Variants in ZNF568 observed in about 807,000 individuals in gnomAD.
ZNF568 encodes the protein zinc finger protein 568.
A neutral mutation model predicts 18.1 loss-of-function variants in ZNF568; 11 were observed. The observed-to-expected ratio is 0.61, with a 90% CI of 0.38 to 1.00. ZNF568 has a LOEUF of 1.00. ZNF568 is among the 50% of genes least tolerant of loss of function. ZNF568 has a pLI of 0.01. For missense variants in ZNF568, 639 were observed against 768.2 expected, an observed-to-expected ratio of 0.83 and a Z score of 1.99; for synonymous variants, 213 against 246.6, an observed-to-expected ratio of 0.86 and a Z score of 1.28.
downstream of ZNF568, among the ~76,000 whole-genome samples, chr19:36,954,079 C>T (rs898086951): frequency 4.0e-5 from 6 of 151,640 alleles, no homozygotes; most frequent in African/African-American, 1.5e-4. Flanking sequence ...CAAAAATTAG[C>T]TGGGCGTGGT....
At chr19:36,977,255 C>G (rs1020609314) in intron 7 of ZNF568, among the ~76,000 whole-genome samples, 2 of 152,098 alleles carry the variant, frequency 1.3e-5, no homozygotes, top group African/African-American at 2.4e-5. Flanking sequence ...TCCAAACAAT[C>G]TAGTCTTTAA....
chr19:36,962,351 T>TC (rs944689752), intron 6 of ZNF568, among the ~76,000 whole-genome samples: 1 of 146,916 alleles, frequency 6.8e-6, no homozygotes, highest in African/African-American at 2.5e-5. Flanking sequence ...TTTTTTTTTT[T>TC]CGTTTCTGAG....
intron 2 of ZNF568, among the ~76,000 whole-genome samples, chr19:36,919,091 C>T (rs191474667): frequency 7.9e-5 from 12 of 152,290 alleles, no homozygotes; most frequent in African/African-American, 2.6e-4. Context: ...CTGCTACAAA[C>T]ATGGGTATAC....
At chr19:36,973,397 C>T (rs2074253172) in intron 6 of ZNF568, 1 of 152,940 alleles carries the variant, frequency 6.5e-6, no homozygotes, top group Non-Finnish European at 1.5e-5. Context: ...GCCCACGCTT[C>T]ACCGCTAGGG....
At chr19:36,931,739 T>G (rs534053860) in intron 4 of ZNF568, 1 of 152,318 alleles carries the variant, frequency 6.6e-6, no homozygotes, top group South Asian at 2.1e-4. Context: ...TATTAACATA[T>G]AAGTCACATA....
At chr19:36,917,197 G>C (rs1465074295) in intron 1 of ZNF568, among the ~76,000 whole-genome samples, 1 of 152,182 alleles carries the variant, frequency 6.6e-6, no homozygotes, top group Non-Finnish European at 1.5e-5. Context: ...TGCGTGACGA[G>C]TTAAGATCTG....
At chr19:36,938,549 G>T (rs1218504661) in intron 6 of ZNF568, among the ~76,000 whole-genome samples, 1 of 152,152 alleles carries the variant, frequency 6.6e-6, no homozygotes, top group Non-Finnish European at 1.5e-5. Flanking sequence ...CTGTCTTTAT[G>T]AGCTTATAAT....
At chr19:36,996,412 G>A (rs2074472170) in exon 5 of ZNF568, 1 of 1,536,222 alleles carries the variant, frequency 6.5e-7, no homozygotes, top group South Asian at 1.2e-5. Flanking sequence ...AGTTATCAGA[G>A]AAATCAGATG....
Position 36,950,699 on chromosome 19 carries a change from A to G in ZNF568, c.1546A>G (p.Asn516Asp), listed in dbSNP as rs201325051. Reference sequence around the variant, plus strand: ...TGGAAAAGCCTTTAGTCAGAAATCAAACCTCACTGAACATGAGAAAATTCA... The same window carrying G: ...TGGAAAAGCCTTTAGTCAGAAATCAGACCTCACTGAACATGAGAAAATTCA... ...VCGKAFSQKS[N>D]LTEHEKIHTG... Residue 516 changes from asparagine to aspartate, a missense_variant, in exon 7 of 7, where the codon AAC becomes GAC. Coordinates refer to ENST00000333987, the MANE Select transcript of ZNF568 (RefSeq NM_198539.4). 2 of 1,613,834 alleles carry G rather than the reference A, an allele frequency of 1.2e-6. No individual in the cohort carries two copies. The highest frequency in any genetic ancestry group is 2.7e-5 in the African/African-American group (2 of 75,020).
At chr19:36,986,625 T>C (rs1204803093) in intron 2 of ZNF568, among the ~76,000 whole-genome samples, 2 of 152,134 alleles carry the variant, frequency 1.3e-5, no homozygotes, top group South Asian at 2.1e-4. Context: ...GATTTTCTTT[T>C]TTTCCCCCCT....
chr19:36,917,569 T>C lies in ZNF568; in HGVS notation c.-255-10T>C, dbSNP rs2073366002. 1 of 152,360 alleles carries C rather than the reference T, an allele frequency of 6.6e-6. No individual in the cohort carries two copies. Among genetic ancestry groups the C allele is most frequent in the Non-Finnish European group, 1.5e-5 (1 of 68,036 alleles). The allele number at this position is 152,360 out of a possible 1,614,324, so 9.4% of individuals were successfully genotyped here. A position where few individuals can be genotyped will look rare whatever the true frequency, so the allele number is the denominator to read the frequency against. On this transcript the variant is annotated splice_polypyrimidine_tract_variant and intron_variant, in intron 1 of 6. Transcript: ENST00000333987. ...TCATTTTCTAACCCCCTTGTGTCTT[T>C]ATGTTTCAGATCTGTGTCTTGTAAA...
rs1246171026 is a variant in ZNF568 at position 36,922,899 on chromosome 19, G to A, written c.76+53G>A. On this transcript the variant is annotated intron_variant, in intron 3 of 6. Transcript: ENST00000333987. ...TTAGGAGAGAAAGGCTCTACATTTG[G>A]GGACAGTGAAAAGAAATTCATTACT... 2.6e-6 allele frequency: 4 copies of A among 1,548,282 alleles called. No individual in the cohort carries two copies. The African/African-American group carries it at 4.1e-5, about 16-fold the overall frequency.
intron 3 of ZNF568, among the ~76,000 whole-genome samples, chr19:36,924,259 C>T (rs1442511974): frequency 6.6e-6 from 1 of 151,804 alleles, no homozygotes; most frequent in Non-Finnish European, 1.5e-5. Flanking sequence ...CGCTCTGTCG[C>T]CCAGGCTGGA....
intron 6 of ZNF568, among the ~76,000 whole-genome samples, chr19:36,939,438 T>A (rs2073842153): frequency 6.6e-6 from 1 of 152,108 alleles, no homozygotes; most frequent in Non-Finnish European, 1.5e-5. Context: ...CTGGGTTTCT[T>A]CCCTGCCTAA....
chr19:36,958,616 C>CTTTTTTTTTTTTTTTTTTTTTTTTTTT (rs35494587), intron 6 of ZNF568, among the ~76,000 whole-genome samples: 11 of 99,130 alleles, frequency 1.1e-4, no homozygotes, highest in African/African-American at 3.1e-4. Context: ...CTTTTTCTTT[C>CTTTTTTTTTTTTTTTTTTTTTTTTTTT]TTTTTTTTTT....
chr19:36,940,600 G>C (rs371178060), intron 6 of ZNF568, among the ~76,000 whole-genome samples: 1 of 152,124 alleles, frequency 6.6e-6, no homozygotes, highest in African/African-American at 2.4e-5. Flanking sequence ...CAAAATAAAC[G>C]TGGAAGAAAT....
At chr19:36,941,815 C>T (rs2073883254) in intron 6 of ZNF568, among the ~76,000 whole-genome samples, 1 of 151,852 alleles carries the variant, frequency 6.6e-6, no homozygotes, top group Non-Finnish European at 1.5e-5. Flanking sequence ...CAAAGTATAC[C>T]TTATACATTA....
chr19:36,927,333 T>C (rs188026516), intron 4 of ZNF568, among the ~76,000 whole-genome samples: 172 of 152,292 alleles, frequency 1.1e-3, no homozygotes, highest in African/African-American at 4.0e-3. Context: ...GTTTTCCATA[T>C]TTAGTCTTTA....
In ZNF568 at chr19:36,965,126, C is replaced by T. The variant is rs898112570; in HGVS notation, c.359-9294C>T. Among the ~76,000 whole-genome samples, 5 of 152,084 alleles carry T rather than the reference C, an allele frequency of 3.3e-5. No homozygotes were observed. The South Asian group carries it at 6.2e-4, about 19-fold the overall frequency. ...TTATTGCTATGGTTTGAATATTTGTCGCCTCCAAAATTCATGTTGAAATTT... is the reference window on the plus strand; with the variant it reads ...TTATTGCTATGGTTTGAATATTTGTTGCCTCCAAAATTCATGTTGAAATTT... On this transcript the variant is annotated intron_variant, in intron 6 of 7. Coordinates refer to the ZNF568 transcript ENST00000427117.
Sources: gnomAD v4.1 joint callset for allele counts (sites outside exome capture counted in the v4.1 genomes callset) on GRCh38, gnomAD v4.1.1 for gene constraint, MANE v1.5 for transcripts, NCBI Gene and HGNC (gene_info 2026-07-23, HGNC 2026-07-21) for gene names.